Variants in DRD2 observed in about 807,000 individuals in gnomAD.
DRD2 encodes dopamine receptor D2, also known as D(2) dopamine receptor.
In DRD2, 8 loss-of-function variants were observed where a neutral mutation model predicts 38.0. That is an observed-to-expected ratio of 0.21 (90% CI 0.12 to 0.38). DRD2 has a LOEUF of 0.38. Ranked by LOEUF, DRD2 falls within the 10% of genes least tolerant of loss-of-function variation. The pLI is 1.00. For missense variants in DRD2, 403 were observed against 607.7 expected (o/e 0.66, Z 3.54); for synonymous variants, 230 against 238.6 (o/e 0.96, Z 0.33).
chr11:113,459,121 C>T (rs1028545689), intron 1 of DRD2, among the ~76,000 whole-genome samples: 1 of 152,180 alleles, frequency 6.6e-6, no homozygotes, highest in Non-Finnish European at 1.5e-5. Context: ...GTCTCCGTTT[C>T]CTCCTCTGTA....
intron 1 of DRD2, among the ~76,000 whole-genome samples, chr11:113,437,521 T>A (rs1951050104): frequency 6.6e-6 from 1 of 152,228 alleles, no homozygotes; most frequent in Admixed American, 6.5e-5. Flanking sequence ...GTCCAGGCCA[T>A]AGCCAAGTTT....
chr11:113,458,659 ATG>A (rs932776522), intron 1 of DRD2, among the ~76,000 whole-genome samples: 1 of 152,070 alleles, frequency 6.6e-6, no homozygotes, highest in African/African-American at 2.4e-5. Flanking sequence ...GTGTGTGTGC[ATG>A]TGTGTGTGTG....
At chr11:113,453,361 TA>T (rs758733628) in intron 1 of DRD2, among the ~76,000 whole-genome samples, 14 of 152,310 alleles carry the variant, frequency 9.2e-5, no homozygotes, top group South Asian at 6.2e-4. Context: ...TTCAATGAGA[TA>T]ATGTATGTTG....
chr11:113,427,561 A>T (rs1436761808), intron 1 of DRD2, among the ~76,000 whole-genome samples: 1 of 152,098 alleles, frequency 6.6e-6, no homozygotes, highest in Non-Finnish European at 1.5e-5. Context: ...CCAACTCTTG[A>T]CTCTGGTTTG....
At chr11:113,413,926 G>A in intron 6 of DRD2, 1 of 288,138 alleles carries the variant, frequency 3.5e-6, no homozygotes, top group Non-Finnish European at 6.8e-6. Flanking sequence ...GAACACAGGT[G>A]TGGATTTCAG....
chr11:113,421,282 G>A (rs570444622), intron 2 of DRD2, among the ~76,000 whole-genome samples: 37 of 152,210 alleles, frequency 2.4e-4, no homozygotes, highest in Non-Finnish European at 4.3e-4. Context: ...CACTGTCACC[G>A]GCAGCAGACT....
intron 1 of DRD2, among the ~76,000 whole-genome samples, chr11:113,432,225 G>A (rs1160120621): frequency 6.6e-6 from 1 of 152,100 alleles, no homozygotes; most frequent in African/African-American, 2.4e-5. Context: ...AGGACAGCCT[G>A]GGATCCAGGA....
At chr11:113,458,003 C>T (rs1318785731) in intron 1 of DRD2, among the ~76,000 whole-genome samples, 1 of 152,252 alleles carries the variant, frequency 6.6e-6, no homozygotes, top group Admixed American at 6.5e-5. Context: ...TCTGTGCCCT[C>T]CTGGGTGGTA....
In DRD2 at chr11:113,410,625, G is replaced by A; in HGVS notation, c.*102C>T. ...CAGGGCCTGCCGGGGTGAAGAGGAGGCCGATCCACCCAGGCCTTCCTGCTC... is the reference window on the plus strand; with the variant it reads ...CAGGGCCTGCCGGGGTGAAGAGGAGACCGATCCACCCAGGCCTTCCTGCTC... On this transcript the variant is annotated 3_prime_UTR_variant, in exon 8 of 8. Transcript: ENST00000362072. 6.9e-7 allele frequency: 1 copy of A among 1,454,046 alleles called. No individual in the cohort carries two copies. The highest frequency in any genetic ancestry group is 9.6e-7 in the Non-Finnish European group (1 of 1,038,222). The allele number at this position is 1,454,046 out of a possible 1,614,324, so 90.1% of individuals were successfully genotyped here.
At chr11:113,448,120 G>A (rs1011844998) in intron 1 of DRD2, among the ~76,000 whole-genome samples, 3 of 152,220 alleles carry the variant, frequency 2.0e-5, no homozygotes, top group African/African-American at 7.2e-5. Flanking sequence ...ATCACTCTGC[G>A]AGATGGAACC....
intron 4 of DRD2, among the ~76,000 whole-genome samples, 164 bp from the exon 5 acceptor site, chr11:113,415,775 G>A (rs746728886): frequency 2.0e-5 from 3 of 151,968 alleles, no homozygotes; most frequent in African/African-American, 4.8e-5. Flanking sequence ...ATACACAAAC[G>A]CACAGCAGAT....
chr11:113,413,000 A>T (rs1164308650), intron 6 of DRD2, 117 bp from the exon 7 acceptor site: 1 of 1,195,118 alleles, frequency 8.4e-7, no homozygotes. Context: ...CCACAGGGTC[A>T]CCCTGCCAGG....
chr11:113,429,394 G>A (rs1220269812), intron 1 of DRD2, among the ~76,000 whole-genome samples: 4 of 152,106 alleles, frequency 2.6e-5, no homozygotes, highest in South Asian at 2.1e-4. Flanking sequence ...ACAGGTGCCC[G>A]CCACCATGTC....
rs1352998915 is a variant in DRD2 at position 113,412,846 on chromosome 11, A to T, written c.848T>A (p.Met283Lys). The T allele has an allele frequency of 6.2e-7, 1 of 1,612,640 alleles. No homozygotes were observed. The highest frequency in any genetic ancestry group is 8.5e-7 in the Non-Finnish European group (1 of 1,179,844). ...CTCGGGTGGGCTGGTGCTGGAGAGCATCTCCATCTCCAGCTCCTGGGCTCG... is the reference window on the plus strand; with the variant it reads ...CTCGGGTGGGCTGGTGCTGGAGAGCTTCTCCATCTCCAGCTCCTGGGCTCG... ...ARRAQELEMEMLSSTSPPERT... is the reference protein window; with the variant it reads ...ARRAQELEMEKLSSTSPPERT... Residue 283 changes from methionine (M) to lysine (K), a missense_variant, in exon 7 of 8, where the codon ATG becomes AAG. Coordinates refer to ENST00000362072, the MANE Select transcript of DRD2 (RefSeq NM_000795.4).
chr11:113,439,171 G>A (rs1480471617), intron 1 of DRD2, among the ~76,000 whole-genome samples: 1 of 152,184 alleles, frequency 6.6e-6, no homozygotes, highest in Non-Finnish European at 1.5e-5. Flanking sequence ...CTCTGCATCT[G>A]TCCTTTCTGT....
chr11:113,444,941 C>A (rs1274091687), intron 1 of DRD2, among the ~76,000 whole-genome samples: 1 of 152,224 alleles, frequency 6.6e-6, no homozygotes, highest in Non-Finnish European at 1.5e-5. Flanking sequence ...TTTGTAGCTG[C>A]ATGGGATCTT....
intron 1 of DRD2, among the ~76,000 whole-genome samples, chr11:113,442,221 T>C (rs1455174448): frequency 2.6e-5 from 4 of 152,174 alleles, no homozygotes; most frequent in Non-Finnish European, 5.9e-5. Context: ...TATGTCCAGT[T>C]CCACACATGC....
intron 1 of DRD2, among the ~76,000 whole-genome samples, chr11:113,457,380 C>T (rs1006327725): frequency 6.6e-6 from 1 of 152,128 alleles, no homozygotes; most frequent in Non-Finnish European, 1.5e-5. Context: ...CGACCCTGTT[C>T]TCTTGTTCAG....
At chr11:113,424,715 G>A (rs1950923010) in intron 1 of DRD2, 33 bp from the exon 2 acceptor site, 1 of 1,607,780 alleles carries the variant, frequency 6.2e-7, no homozygotes, top group South Asian at 1.1e-5. Flanking sequence ...AGGTGTCAGT[G>A]AGAGGGCCTC....
Sources: gnomAD v4.1 joint callset for allele counts (sites outside exome capture counted in the v4.1 genomes callset) on GRCh38, gnomAD v4.1.1 for gene constraint, MANE v1.5 for transcripts, NCBI Gene and HGNC (gene_info 2026-07-23, HGNC 2026-07-21) for gene names.